COL5A2: variants seen among roughly 807,000 people sequenced by gnomAD.
COL5A2 encodes collagen alpha-2(V) chain.
COL5A2 carries 23 observed loss-of-function variants against 208.2 expected under a neutral mutation model. That is an observed-to-expected ratio of 0.11 (90% CI 0.08 to 0.16). The LOEUF (loss-of-function observed/expected upper bound fraction) is 0.16, where lower values mean the gene tolerates loss of function less well. Among genes scored for constraint, COL5A2 ranks in the 10% least tolerant of loss-of-function variants. The pLI is 1.00. For synonymous variants in COL5A2, 625 were observed against 628.5 expected (o/e 0.99, Z 0.08); for missense variants, 1,590 against 1,956.4 (o/e 0.81, Z 3.53).
intron 6 of COL5A2, among the ~76,000 whole-genome samples, chr2:189,094,416 C>T (rs1184289317): frequency 6.6e-6 from 1 of 151,376 alleles, no homozygotes; most frequent in African/African-American, 2.4e-5. Flanking sequence ...TATTATCATT[C>T]CCTTCCATTT....
chr2:189,418,935 C>T, the COL5A2 span, among the ~76,000 whole-genome samples: 1 of 152,094 alleles, frequency 6.6e-6, no homozygotes, highest in East Asian at 1.9e-4. Context: ...CTTGGCTATA[C>T]AGATAAAGTA....
intron 1 of COL5A2, among the ~76,000 whole-genome samples, chr2:189,215,146 C>T (rs1689263289): frequency 6.6e-6 from 1 of 152,058 alleles, no homozygotes; most frequent in Non-Finnish European, 1.5e-5. Flanking sequence ...GGAAACAAAT[C>T]TATACATAGT....
At chr2:189,154,749 A>G (rs916637248) in intron 1 of COL5A2, among the ~76,000 whole-genome samples, 4 of 152,080 alleles carry the variant, frequency 2.6e-5, no homozygotes, top group Admixed American at 6.6e-5. Flanking sequence ...GGAGTGAGCC[A>G]CCGTGCTGTC....
At position 189,085,751 on chromosome 2, in the gene COL5A2, G is replaced by T; in HGVS notation, c.712C>A (p.Pro238Thr). Residue 238 changes from proline to threonine, a missense_variant, in exon 10 of 54, where the codon CCT becomes ACT. Transcript: ENST00000374866. ...GQQGGAGPTG[P>T]PGEPGDPGPM... is the part of the protein sequence containing the mutation. Reference sequence around the variant, plus strand: ...CCAGGATCACCAGGTTCACCAGGAGGTCCTGTAGGTCCTGCACCACCCTAC... The same window carrying T: ...CCAGGATCACCAGGTTCACCAGGAGTTCCTGTAGGTCCTGCACCACCCTAC... 6.2e-7 allele frequency: 1 copy of T among 1,613,402 alleles called. No homozygotes were observed. The highest frequency in any genetic ancestry group is 8.5e-7 in the Non-Finnish European group (1 of 1,179,444).
chr2:189,358,843 A>G, the COL5A2 span, among the ~76,000 whole-genome samples: 2 of 146,820 alleles, frequency 1.4e-5, no homozygotes, highest in African/African-American at 4.9e-5. Flanking sequence ...TATAAAAGTG[A>G]TTGCCTTCTT....
At chr2:189,090,181 C>T (rs1297439571) in intron 7 of COL5A2, among the ~76,000 whole-genome samples, 1 of 152,150 alleles carries the variant, frequency 6.6e-6, no homozygotes, top group Non-Finnish European at 1.5e-5. Flanking sequence ...GAAAGTAAAA[C>T]AGCCTTAATG....
chr2:189,223,085 A>C (rs1576590448), intron 1 of COL5A2, among the ~76,000 whole-genome samples: 1 of 152,328 alleles, frequency 6.6e-6, no homozygotes, highest in East Asian at 1.9e-4. Context: ...AGTCCAGCTA[A>C]AAATGTGCTC....
the COL5A2 span, among the ~76,000 whole-genome samples, chr2:189,250,016 T>G: frequency 4.0e-4 from 61 of 152,366 alleles, no homozygotes; most frequent in African/African-American, 1.4e-3. Flanking sequence ...TATTATTCCA[T>G]GTACATGAGT....
the COL5A2 span, among the ~76,000 whole-genome samples, chr2:189,387,482 GA>G: frequency 1.2e-4 from 18 of 151,902 alleles, no homozygotes; most frequent in Admixed American, 1.3e-4. Context: ...TTTAAAAAGG[GA>G]AAAAAAGAAA....
the COL5A2 span, among the ~76,000 whole-genome samples, chr2:189,381,375 T>C: frequency 6.6e-6 from 1 of 152,200 alleles, no homozygotes; most frequent in South Asian, 2.1e-4. Flanking sequence ...GTAAAATGTA[T>C]ATTTAGATTG....
At chr2:189,407,653 T>A in the COL5A2 span, among the ~76,000 whole-genome samples, 1 of 152,092 alleles carries the variant, frequency 6.6e-6, no homozygotes, top group African/African-American at 2.4e-5. Context: ...GCTGATTCCA[T>A]CTCCAGGTCC....
At chr2:189,300,114 G>A in the COL5A2 span, among the ~76,000 whole-genome samples, 1 of 152,136 alleles carries the variant, frequency 6.6e-6, no homozygotes, top group Admixed American at 6.5e-5. Flanking sequence ...GAGCCAAGCA[G>A]GGTCAAGATT....
At chr2:189,344,359 C>T in the COL5A2 span, among the ~76,000 whole-genome samples, 4 of 152,150 alleles carry the variant, frequency 2.6e-5, 1 homozygote, top group East Asian at 7.7e-4. Flanking sequence ...ACAGAAGAAC[C>T]TCATGTACTT....
At chr2:189,308,378 T>G in the COL5A2 span, among the ~76,000 whole-genome samples, 3 of 152,094 alleles carry the variant, frequency 2.0e-5, no homozygotes, top group African/African-American at 7.2e-5. Flanking sequence ...GACTCTCTAA[T>G]ATAGCATCAC....
chr2:189,046,225 T>C (rs1220921672), intron 45 of COL5A2, among the ~76,000 whole-genome samples: 2 of 152,174 alleles, frequency 1.3e-5, no homozygotes, highest in Non-Finnish European at 2.9e-5. Flanking sequence ...ATCTTTAAGC[T>C]GGAATATTGG....
At chr2:189,053,606 G>A (rs563933771) in intron 37 of COL5A2, 129 bp from the exon 38 acceptor site, 1 of 887,966 alleles carries the variant, frequency 1.1e-6, no homozygotes, top group South Asian at 1.5e-5. Context: ...ATTGCTTAAG[G>A]AAGGTCCTTA....
the COL5A2 span, among the ~76,000 whole-genome samples, chr2:189,428,261 A>G: frequency 6.6e-6 from 1 of 152,134 alleles, no homozygotes; most frequent in South Asian, 2.1e-4. Context: ...GTGGTTTCTC[A>G]TGAATTATTT....
At chr2:189,141,130 T>A (rs946199029) in intron 1 of COL5A2, among the ~76,000 whole-genome samples, 1 of 152,096 alleles carries the variant, frequency 6.6e-6, no homozygotes, top group Non-Finnish European at 1.5e-5. Flanking sequence ...CAGGCAGAGA[T>A]GGGGCTGGGC....
At position 189,096,197 on chromosome 2, in the gene COL5A2, T is replaced by C. The variant is rs929497981; in HGVS notation, c.456+1080A>G. 28 of 152,142 alleles carry C rather than the reference T, an allele frequency of 1.8e-4. 1 individual carries two copies. The highest frequency in any genetic ancestry group is 6.3e-4 in the African/African-American group (26 of 41,432). 9.4% of individuals were successfully genotyped at this position (152,142 alleles called of 1,614,324 possible). A position where few individuals can be genotyped will look rare whatever the true frequency, so the allele number is the denominator to read the frequency against. On this transcript the variant is annotated intron_variant, in intron 6 of 53. Transcript: ENST00000374866. ...GTTTGCTTATCTTCTAATCCTCCCA[T>C]TTAAATATGGATAAATATATATTTA...
Sources: gnomAD v4.1 joint callset for allele counts (sites outside exome capture counted in the v4.1 genomes callset) on GRCh38, gnomAD v4.1.1 for gene constraint, MANE v1.5 for transcripts, NCBI Gene and HGNC (gene_info 2026-07-23, HGNC 2026-07-21) for gene names.